The following EBF3 variants were observed in gnomAD, a reference collection of about 807,000 sequenced individuals.
The protein encoded by EBF3 is EBF transcription factor 3, also known as transcription factor COE3.
In EBF3, 18 loss-of-function variants were observed where a neutral mutation model predicts 77.1. The ratio of observed to expected loss-of-function variants is 0.23; its 90% confidence interval spans 0.16 to 0.35. The LOEUF is 0.35. Ranked by LOEUF, EBF3 falls within the 10% of genes least tolerant of loss-of-function variation. The pLI is 1.00. For missense variants in EBF3, 558 were observed against 860.0 expected (o/e 0.65, Z 4.39); for synonymous variants, 350 against 343.5 (o/e 1.02, Z -0.21).
chr10:129,895,857 G>A (rs929531061), intron 6 of EBF3, among the ~76,000 whole-genome samples: 2 of 152,218 alleles, frequency 1.3e-5, no homozygotes, highest in Non-Finnish European at 2.9e-5. Flanking sequence ...AATATCAGGA[G>A]AGGTAATTAA....
chr10:129,898,325 G>C (rs762230825), intron 6 of EBF3, among the ~76,000 whole-genome samples: 3 of 152,184 alleles, frequency 2.0e-5, no homozygotes, highest in Non-Finnish European at 4.4e-5. Context: ...CCGGGTTTAC[G>C]GGGTTCACCC....
At chr10:129,867,317 G>A in intron 9 of EBF3, 50 bp from the exon 10 acceptor site, 1 of 1,605,326 alleles carries the variant, frequency 6.2e-7, no homozygotes. Flanking sequence ...GGCTATGAGA[G>A]GCGGACACTT....
chr10:129,924,959 C>T (rs553609485), intron 6 of EBF3, among the ~76,000 whole-genome samples: 57 of 152,296 alleles, frequency 3.7e-4, no homozygotes, highest in African/African-American at 1.3e-3. Context: ...CTACGGCACC[C>T]GGCCTGAAGA....
intron 6 of EBF3, among the ~76,000 whole-genome samples, chr10:129,955,219 T>C (rs1465212878): frequency 6.6e-6 from 1 of 152,222 alleles, no homozygotes; most frequent in Non-Finnish European, 1.5e-5. Flanking sequence ...GTATTTGTCA[T>C]TTCATAAAAC....
Position 129,962,163 on chromosome 10 carries a change from T to C in EBF3, c.411+8A>G. The C allele has an allele frequency of 6.2e-7, 1 of 1,614,066 alleles. No individual in the cohort carries two copies. The highest frequency in any genetic ancestry group is 8.5e-7 in the Non-Finnish European group (1 of 1,179,982). ...TGAAAACTCGTGCAGAGGCATAAAC[T>C]TTCTCACCTGTTTGGTCATTGAATC... On this transcript the variant is annotated splice_region_variant and intron_variant, in intron 4 of 16. Transcript: ENST00000440978.
In EBF3 at chr10:129,863,644, C is replaced by T. The variant is rs1851793262; in HGVS notation, c.1039+3497G>A. Among the ~76,000 whole-genome samples, 1 of 152,194 alleles carries T rather than the reference C, an allele frequency of 6.6e-6. No individual in the cohort carries two copies. The highest frequency in any genetic ancestry group is 2.4e-5 in the African/African-American group (1 of 41,444). ...GGGGACACTGATGGGAACCAGACGCCCAGGGGACGGTGCCTACGTCGTGAC... is the reference window on the plus strand; with the variant it reads ...GGGGACACTGATGGGAACCAGACGCTCAGGGGACGGTGCCTACGTCGTGAC... On this transcript the variant is annotated intron_variant, in intron 10 of 16. Transcript: ENST00000440978. The surrounding 1 kb of genome is among the most constrained non-coding windows in gnomAD (Gnocchi z 4.0).
intron 10 of EBF3, among the ~76,000 whole-genome samples, chr10:129,852,997 A>C (rs1851001821): frequency 6.6e-6 from 1 of 152,174 alleles, no homozygotes; most frequent in Non-Finnish European, 1.5e-5. Context: ...CCCTGCCTGC[A>C]AACAGGACTG....
At chr10:129,939,715 T>C (rs1444975773) in intron 6 of EBF3, among the ~76,000 whole-genome samples, 1 of 152,200 alleles carries the variant, frequency 6.6e-6, no homozygotes, top group Non-Finnish European at 1.5e-5. Flanking sequence ...CAGCGATCAA[T>C]GGAGTTAGAA....
At chr10:129,937,431 A>G (rs1378559314) in intron 6 of EBF3, among the ~76,000 whole-genome samples, 1 of 152,138 alleles carries the variant, frequency 6.6e-6, no homozygotes, top group Non-Finnish European at 1.5e-5. Flanking sequence ...TAGTGGTGAC[A>G]GCAAGAAAAA....
intron 6 of EBF3, among the ~76,000 whole-genome samples, chr10:129,951,991 T>C (rs1302078625): frequency 6.6e-6 from 1 of 152,266 alleles, no homozygotes; most frequent in Non-Finnish European, 1.5e-5. Context: ...CATTCACACC[T>C]GAGCCCGGCG....
intron 6 of EBF3, among the ~76,000 whole-genome samples, chr10:129,915,464 A>G (rs903508014): frequency 7.6e-4 from 100 of 131,788 alleles, no homozygotes; most frequent in African/African-American, 2.2e-3. Flanking sequence ...GCACACATGC[A>G]CACACACACA....
chr10:129,930,536 C>T (rs917221140), intron 6 of EBF3, among the ~76,000 whole-genome samples: 16 of 139,884 alleles, frequency 1.1e-4, no homozygotes, highest in African/African-American at 4.4e-4. Flanking sequence ...TAACAAATCC[C>T]CCTCTCATAT....
At chr10:129,934,896 C>T (rs1321078315) in intron 6 of EBF3, among the ~76,000 whole-genome samples, 4 of 152,108 alleles carry the variant, frequency 2.6e-5, no homozygotes, top group African/African-American at 9.7e-5. Flanking sequence ...TTCTAGAGCC[C>T]TCTGGCACAC....
intron 6 of EBF3, among the ~76,000 whole-genome samples, chr10:129,888,413 T>C (rs553520633): frequency 2.4e-4 from 36 of 152,378 alleles, no homozygotes; most frequent in African/African-American, 8.4e-4. Context: ...ATCTGTTACA[T>C]TTCCTTCCAA....
At position 129,870,884 on chromosome 10, in the gene EBF3, T is replaced by A. The variant is rs1041307718; in HGVS notation, c.781+2568A>T. Among the ~76,000 whole-genome samples, 3 of 152,182 alleles carry A rather than the reference T, an allele frequency of 2.0e-5. No individual in the cohort carries two copies. The South Asian group carries it at 6.2e-4, about 31-fold the overall frequency. On this transcript the variant is annotated intron_variant, in intron 8 of 16. Transcript: ENST00000440978. This position sits in a 1 kb window ranked among gnomAD's most constrained non-coding sequence, Gnocchi z 4.4. The stretch of plus-strand genomic sequence containing the variant: ...CCCATTAATCAGCCCTCCTGAGTAA[T>A]ATCACAGCATTTGTCACCTTCCTCT...
At chr10:129,896,394 A>C (rs1192748642) in intron 6 of EBF3, among the ~76,000 whole-genome samples, 1 of 152,268 alleles carries the variant, frequency 6.6e-6, no homozygotes, top group Non-Finnish European at 1.5e-5. Flanking sequence ...AAGCAACAAG[A>C]CATAACCTGA....
intron 6 of EBF3, among the ~76,000 whole-genome samples, chr10:129,892,737 A>G (rs975541929): frequency 6.6e-6 from 1 of 152,244 alleles, no homozygotes; most frequent in Non-Finnish European, 1.5e-5. Context: ...TCAGAAAGTA[A>G]GCCTGCTTGC....
intron 8 of EBF3, among the ~76,000 whole-genome samples, chr10:129,871,731 C>CA (rs1206268652): frequency 1.3e-5 from 2 of 152,144 alleles, no homozygotes; most frequent in East Asian, 1.9e-4. Context: ...GTATTAATTA[C>CA]AAAAAAATAA....
chr10:129,949,262 T>C (rs914170092), intron 6 of EBF3, among the ~76,000 whole-genome samples: 4 of 152,114 alleles, frequency 2.6e-5, no homozygotes, highest in African/African-American at 9.7e-5. Flanking sequence ...GATCGTGCCA[T>C]TGTACTCCAG....
Sources: gnomAD v4.1 joint callset for allele counts (sites outside exome capture counted in the v4.1 genomes callset) on GRCh38, gnomAD v4.1.1 for gene constraint, Gnocchi (gnomAD v3.1) non-coding constraint, MANE v1.5 for transcripts, NCBI Gene and HGNC (gene_info 2026-07-23, HGNC 2026-07-21) for gene names.